ILRUN: variants seen among roughly 807,000 people sequenced by gnomAD.
ILRUN encodes inflammation and lipid regulator with UBA-like and NBR1-like domains.
Under a neutral mutation model 33.8 loss-of-function variants are expected in ILRUN, and 3 were observed. The ratio of observed to expected loss-of-function variants is 0.09; its 90% confidence interval spans 0.04 to 0.23. The LOEUF (loss-of-function observed/expected upper bound fraction) is 0.23. ILRUN is among the 10% of genes least tolerant of loss of function. The probability of loss-of-function intolerance (pLI) is 1.00; values close to 1 mark genes in which losing one functional copy is unlikely to be tolerated. For synonymous variants in ILRUN, 124 were observed against 138.9 expected (o/e 0.89, Z 0.75); for missense variants, 210 against 375.1 (o/e 0.56, Z 3.64).
chr6:34,635,558 A>AGGAAGGAAGGGAG (rs1762346051), intron 3 of ILRUN, among the ~76,000 whole-genome samples: 1 of 122,124 alleles, frequency 8.2e-6, no homozygotes, highest in Admixed American at 9.5e-5. Flanking sequence ...GAAGGAAGGA[A>AGGAAGGAAGGGAG]GGAAGGAAGG....
intron 2 of ILRUN, among the ~76,000 whole-genome samples, chr6:34,651,945 A>C (rs1331115711): frequency 6.6e-6 from 1 of 152,012 alleles, no homozygotes; most frequent in East Asian, 1.9e-4. Context: ...GGCATGCAAC[A>C]CCATGCCCAG....
chr6:34,596,030 C>A, intron 4 of ILRUN: 2 of 726,734 alleles, frequency 2.8e-6, no homozygotes, highest in Non-Finnish European at 3.4e-6. Flanking sequence ...TGGTGAGGCC[C>A]TGCTCACAGG....
chr6:34,682,011 C>G (rs1763368861), intron 1 of ILRUN, among the ~76,000 whole-genome samples: 1 of 132,344 alleles, frequency 7.6e-6, no homozygotes, highest in South Asian at 2.3e-4. Context: ...GCCACCACAC[C>G]CCACTAATTC....
intron 1 of ILRUN, among the ~76,000 whole-genome samples, chr6:34,684,859 A>C (rs1269114731): frequency 2.0e-5 from 3 of 152,216 alleles, no homozygotes; most frequent in Non-Finnish European, 4.4e-5. Flanking sequence ...CAGGAAAGGT[A>C]GAAGTAGGTA....
At chr6:34,640,438 C>G (rs1055074705) in intron 3 of ILRUN, among the ~76,000 whole-genome samples, 2 of 152,026 alleles carry the variant, frequency 1.3e-5, no homozygotes, top group African/African-American at 4.8e-5. Context: ...GTGGGCCGGG[C>G]GCGGTGGCTC....
chr6:34,588,430 T>C lies in ILRUN; in HGVS notation c.*2135A>G. On this transcript the variant is annotated 3_prime_UTR_variant, in exon 5 of 5. Transcript: ENST00000374023. ...GGGGTTGTGAAGCCTCCCACAATCC[T>C]GCCAGGGACAGTGGAGATGTGCTGC... The C allele has an allele frequency of 2.5e-6, 1 of 393,054 alleles. No individual in the cohort carries two copies. The highest frequency in any genetic ancestry group is 4.5e-6 in the Non-Finnish European group (1 of 223,018). 24.3% of individuals were successfully genotyped at this position (393,054 alleles called of 1,614,324 possible).
At chr6:34,683,572 C>T (rs907998195) in intron 1 of ILRUN, among the ~76,000 whole-genome samples, 7 of 146,832 alleles carry the variant, frequency 4.8e-5, no homozygotes, top group Non-Finnish European at 8.9e-5. Flanking sequence ...ATCTCAGCTC[C>T]GAATATAATG....
intron 4 of ILRUN, among the ~76,000 whole-genome samples, chr6:34,596,110 G>C (rs205261): frequency 0.16 from 23,951 of 152,264 alleles, 2,501 homozygotes; most frequent in African/African-American, 0.29. Context: ...TCATTAACTA[G>C]AAATAAAATT....
At chr6:34,650,562 G>A (rs1011758464) in intron 2 of ILRUN, among the ~76,000 whole-genome samples, 15 of 151,648 alleles carry the variant, frequency 9.9e-5, no homozygotes, top group South Asian at 2.1e-4. Context: ...TCCCGAATAC[G>A]TGGGATTACA....
At chr6:34,616,641 T>C (rs1371679328) in intron 3 of ILRUN, 11 of 1,516,436 alleles carry the variant, frequency 7.3e-6, no homozygotes, top group Admixed American at 1.7e-5. Flanking sequence ...AGAAAGAAGT[T>C]TGCCCAAAAG....
intron 4 of ILRUN, among the ~76,000 whole-genome samples, chr6:34,605,553 C>T (rs1428665446): frequency 1.3e-5 from 2 of 151,828 alleles, no homozygotes; most frequent in Admixed American, 6.6e-5. Flanking sequence ...TTCTTGAGCC[C>T]GGGAGGTGGA....
chr6:34,662,743 G>A (rs1450687799), intron 1 of ILRUN, among the ~76,000 whole-genome samples: 3 of 152,150 alleles, frequency 2.0e-5, no homozygotes, highest in Admixed American at 6.6e-5. Flanking sequence ...GCAAAATGAC[G>A]TGAATATACT....
In ILRUN at chr6:34,601,701, A is replaced by ACC. The variant is rs762784252; in HGVS notation, c.861+4852_861+4853dup. Among the ~76,000 whole-genome samples, 1,234 of 145,674 alleles carry ACC rather than the reference A, an allele frequency of 8.5e-3. 14 individuals are homozygous for ACC. The highest frequency in any genetic ancestry group is 0.027 in the African/African-American group (1,057 of 39,756). ...CTGCCTTTTCCAAACCTCCTCCAGT[A>ACC]CCCGCCCCCCCAACTACTGTTTCTA... On this transcript the variant is annotated intron_variant, in intron 4 of 4. Transcript: ENST00000374023.
chr6:34,664,470 T>A (rs941882097), intron 1 of ILRUN, among the ~76,000 whole-genome samples: 1 of 152,158 alleles, frequency 6.6e-6, no homozygotes, highest in Non-Finnish European at 1.5e-5. Flanking sequence ...AGCACCGGGA[T>A]CAAAATGGTG....
At chr6:34,641,083 A>T (rs1762466133) in intron 3 of ILRUN, among the ~76,000 whole-genome samples, 1 of 151,424 alleles carries the variant, frequency 6.6e-6, no homozygotes, top group African/African-American at 2.4e-5. Context: ...CATCTCAAAA[A>T]AAAAAAAAAA....
intron 1 of ILRUN, among the ~76,000 whole-genome samples, chr6:34,693,640 T>C (rs1241638855): frequency 1.3e-5 from 2 of 150,860 alleles, no homozygotes; most frequent in East Asian, 1.9e-4. Context: ...GTTTTTTATA[T>C]AAAAACTCAA....
chr6:34,617,183 T>C, intron 3 of ILRUN: 1 of 489,608 alleles, frequency 2.0e-6, no homozygotes, highest in Non-Finnish European at 4.0e-6. Flanking sequence ...AAGAAAAAAC[T>C]ACACATTTTG....
At chr6:34,616,761 T>C (rs1315643682) in intron 3 of ILRUN, 13 of 704,332 alleles carry the variant, frequency 1.8e-5, no homozygotes, top group Non-Finnish European at 3.1e-5. Context: ...AACTTCTATG[T>C]ACCTGCAGAA....
chr6:34,653,908 C>A (rs1762718984), intron 2 of ILRUN, among the ~76,000 whole-genome samples: 2 of 144,088 alleles, frequency 1.4e-5, no homozygotes, highest in Admixed American at 7.3e-5. Context: ...GAGTTTAAGG[C>A]TATAGTGAGC....
Sources: allele counts gnomAD v4.1 joint callset (sites outside exome capture counted in the v4.1 genomes callset), GRCh38; gene constraint gnomAD v4.1.1; transcripts MANE v1.5; gene names NCBI Gene and HGNC (gene_info 2026-07-23, HGNC 2026-07-21).